TMEM65: variants seen among roughly 807,000 people sequenced by gnomAD.
TMEM65 encodes the protein transmembrane protein 65.
TMEM65 carries 22 observed loss-of-function variants against 25.4 expected under a neutral mutation model. That is an observed-to-expected ratio of 0.86 (90% CI 0.62 to 1.23). TMEM65 has a LOEUF of 1.23. Ranked by LOEUF, TMEM65 falls within the 50% of genes most tolerant of loss-of-function variation. The pLI is 0.00. For missense variants in TMEM65, 262 were observed against 308.2 expected (o/e 0.85, Z 1.12); for synonymous variants, 132 against 126.2 (o/e 1.05, Z -0.31).
chr8:124,312,538 A>G lies in TMEM65; in HGVS notation c.*1422T>C, dbSNP rs902176705. The G allele has an allele frequency of 1.5e-5, 2 of 130,110 alleles. No individual in the cohort carries two copies. The highest frequency in any genetic ancestry group is 1.7e-4 in the Admixed American group (2 of 12,086). The allele number at this position is 130,110 out of a possible 1,614,324, so 8.1% of individuals were successfully genotyped here. A position where few individuals can be genotyped will look rare whatever the true frequency, so the allele number is the denominator to read the frequency against. The stretch of plus-strand genomic sequence containing the variant: ...GCAACACAAATAACTTCAAAAGCCA[A>G]AATACTATTTTAATTTTAAGTTTCT... On this transcript the variant is annotated 3_prime_UTR_variant, in exon 7 of 7. Coordinates refer to ENST00000297632, the MANE Select transcript of TMEM65 (RefSeq NM_194291.3).
At chr8:124,353,550 A>C (rs1031103853) in intron 1 of TMEM65, among the ~76,000 whole-genome samples, 1 of 152,150 alleles carries the variant, frequency 6.6e-6, no homozygotes, top group Non-Finnish European at 1.5e-5. Flanking sequence ...AGTTATGAGC[A>C]CACCTAACAC....
chr8:124,323,956 GAC>G (rs1026476659), intron 3 of TMEM65, among the ~76,000 whole-genome samples: 11 of 152,092 alleles, frequency 7.2e-5, no homozygotes, highest in African/African-American at 2.7e-4. Flanking sequence ...TGAATTTAAT[GAC>G]AGAGTTTAAG....
intron 1 of TMEM65, among the ~76,000 whole-genome samples, chr8:124,368,078 T>A (rs899080874): frequency 6.6e-6 from 1 of 151,714 alleles, no homozygotes; most frequent in Non-Finnish European, 1.5e-5. Flanking sequence ...AACTCTCTGA[T>A]GAGCATTAAT....
At chr8:124,333,366 T>C (rs1482857349) in intron 1 of TMEM65, among the ~76,000 whole-genome samples, 1 of 151,916 alleles carries the variant, frequency 6.6e-6, no homozygotes, top group Non-Finnish European at 1.5e-5. Context: ...TCTTTTGACA[T>C]ATAATAAACT....
At chr8:124,318,220 C>T (rs1418624865) in intron 6 of TMEM65, among the ~76,000 whole-genome samples, 1 of 151,978 alleles carries the variant, frequency 6.6e-6, no homozygotes, top group East Asian at 1.9e-4. Context: ...GGATTCATCA[C>T]CAATTGAGCT....
intron 1 of TMEM65, among the ~76,000 whole-genome samples, chr8:124,369,559 T>TAC (rs1364483879): frequency 1.3e-5 from 2 of 152,284 alleles, no homozygotes; most frequent in Middle Eastern, 3.4e-3. Flanking sequence ...GTACACTTAG[T>TAC]ACACACACAC....
chr8:124,355,352 C>T lies in TMEM65; in HGVS notation c.304+16502G>A, dbSNP rs564016285. On this transcript the variant is annotated intron_variant, in intron 1 of 6. Transcript: ENST00000297632. The stretch of plus-strand genomic sequence containing the variant: ...ACCACATCTTATATTATCATTATCA[C>T]ATTTGCCTATTTTCTTTCACAATTC... Among the ~76,000 whole-genome samples the T allele has an allele frequency of 2.0e-5, 3 of 152,278 alleles. 1 individual carries two copies. The East Asian group carries it at 5.8e-4, about 29-fold the overall frequency.
In TMEM65 at chr8:124,372,428, G is replaced by C. The variant is rs1471201490; in HGVS notation, c.-271C>G. On this transcript the variant is annotated 5_prime_UTR_variant, in exon 1 of 7. Coordinates refer to ENST00000297632, the MANE Select transcript of TMEM65 (RefSeq NM_194291.3). ...GCCGGGCCCGGACAGCGCCCGGAGA[G>C]GGCGGGCGGTCGGTGCGGGCGGGCG... is the stretch of plus-strand genomic sequence containing the variant. 1 of 166,872 alleles carries C rather than the reference G, an allele frequency of 6.0e-6. No homozygotes were observed. Among genetic ancestry groups the C allele is most frequent in the East Asian group, 1.8e-4 (1 of 5,676 alleles). The allele number at this position is 166,872 out of a possible 1,614,324, so 10.3% of individuals were successfully genotyped here. A position where few individuals can be genotyped will look rare whatever the true frequency, so the allele number is the denominator to read the frequency against.
At chr8:124,334,763 C>CAAAAAAAAAAAAAAAA (rs34202764) in intron 1 of TMEM65, among the ~76,000 whole-genome samples, 1 of 86,028 alleles carries the variant, frequency 1.2e-5, no homozygotes. Context: ...GACTCCGTCT[C>CAAAAAAAAAAAAAAAA]AAAAAAAAAA....
intron 1 of TMEM65, among the ~76,000 whole-genome samples, chr8:124,331,158 T>A (rs907721056): frequency 4.6e-5 from 7 of 151,784 alleles, no homozygotes; most frequent in Non-Finnish European, 1.0e-4. Flanking sequence ...TTCTTTCAGA[T>A]GGCAACCCTA....
chr8:124,322,881 A>G (rs1814322876), intron 4 of TMEM65, among the ~76,000 whole-genome samples: 1 of 152,018 alleles, frequency 6.6e-6, no homozygotes, highest in Non-Finnish European at 1.5e-5. Context: ...CAGTAGTCCC[A>G]GCTACTCATG....
chr8:124,316,657 T>C (rs576424478), intron 6 of TMEM65, among the ~76,000 whole-genome samples: 1 of 152,262 alleles, frequency 6.6e-6, no homozygotes, highest in South Asian at 2.1e-4. Flanking sequence ...GCTTTTGTCA[T>C]AGAGAAGAGA....
chr8:124,340,269 G>T (rs1384925941), intron 1 of TMEM65, among the ~76,000 whole-genome samples: 1 of 152,000 alleles, frequency 6.6e-6, no homozygotes, highest in Non-Finnish European at 1.5e-5. Flanking sequence ...ATCTGTTTCT[G>T]TTTATATATG....
intron 1 of TMEM65, among the ~76,000 whole-genome samples, chr8:124,363,102 C>T (rs1814892761): frequency 6.6e-6 from 1 of 152,166 alleles, no homozygotes; most frequent in African/African-American, 2.4e-5. Context: ...TGATGCACTT[C>T]CAAAATCAAA....
chr8:124,327,436 A>C lies in TMEM65; in HGVS notation c.350-15T>G. ...GTGGATGAATACTGAAAAACATCAAAAACAGAAAAATATATTTTAAGATTT... is the reference window on the plus strand; with the variant it reads ...GTGGATGAATACTGAAAAACATCAACAACAGAAAAATATATTTTAAGATTT... On this transcript the variant is annotated splice_polypyrimidine_tract_variant and intron_variant, in intron 2 of 6. Coordinates refer to ENST00000297632, the MANE Select transcript of TMEM65 (RefSeq NM_194291.3). 1 of 1,549,612 alleles carries C rather than the reference A, an allele frequency of 6.5e-7. No homozygotes were observed. The highest frequency in any genetic ancestry group is 8.8e-7 in the Non-Finnish European group (1 of 1,140,318).
intron 1 of TMEM65, among the ~76,000 whole-genome samples, chr8:124,353,886 C>A (rs879329550): frequency 2.6e-5 from 4 of 152,092 alleles, no homozygotes; most frequent in Non-Finnish European, 5.9e-5. Context: ...TATCACTTCA[C>A]AAAAGACTTA....
At chr8:124,336,257 T>C (rs1814505051) in intron 1 of TMEM65, among the ~76,000 whole-genome samples, 1 of 152,036 alleles carries the variant, frequency 6.6e-6, no homozygotes, top group South Asian at 2.1e-4. Context: ...AACACTTCCA[T>C]AATCATACTT....
rs548031635 is a variant in TMEM65, at chr8:124,313,330, T to C, written c.*630A>G. 2.6e-4 allele frequency: 40 copies of C among 152,134 alleles called. No individual in the cohort carries two copies. The highest frequency in any genetic ancestry group is 9.1e-4 in the African/African-American group (38 of 41,568). 9.4% of individuals were successfully genotyped at this position (152,134 alleles called of 1,614,324 possible). A position where few individuals can be genotyped will look rare whatever the true frequency, so the allele number is the denominator to read the frequency against. On this transcript the variant is annotated 3_prime_UTR_variant, in exon 7 of 7. Transcript: ENST00000297632. ...TGTAGCAGGGAGACCACATAATTGC[T>C]CTTTGTGATTAACCCTCTGGCCCTT...
At chr8:124,362,144 G>A (rs61595217) in intron 1 of TMEM65, among the ~76,000 whole-genome samples, 5 of 151,710 alleles carry the variant, frequency 3.3e-5, no homozygotes, top group African/African-American at 1.2e-4. Flanking sequence ...CACCCGCCTC[G>A]GCCTCCCAAA....
Sources: gnomAD v4.1 joint callset for allele counts (sites outside exome capture counted in the v4.1 genomes callset) on GRCh38, gnomAD v4.1.1 for gene constraint, MANE v1.5 for transcripts, NCBI Gene and HGNC (gene_info 2026-07-23, HGNC 2026-07-21) for gene names.